Variants in ACBD6 observed in about 807,000 individuals in gnomAD.
ACBD6 encodes the protein acyl-CoA binding domain containing 6, also known as acyl-CoA-binding domain-containing protein 6.
Under a neutral mutation model 37.2 loss-of-function variants are expected in ACBD6, and 28 were observed. The observed-to-expected ratio is 0.75, with a 90% CI of 0.56 to 1.03. ACBD6 has a LOEUF of 1.03. Among genes scored for constraint, ACBD6 ranks in the 50% least tolerant of loss-of-function variants. The pLI, the probability that ACBD6 is intolerant of heterozygous loss-of-function variation, is 0.00. For missense variants in ACBD6, 340 were observed against 337.4 expected (o/e 1.01, Z -0.06); for synonymous variants, 113 against 126.8 (o/e 0.89, Z 0.73).
chr1:180,320,063 TGTTTGAGAAAC>T (rs1651000509), intron 6 of ACBD6, among the ~76,000 whole-genome samples: 1 of 152,206 alleles, frequency 6.6e-6, no homozygotes, highest in Admixed American at 6.5e-5. Context: ...TATTTTTAGT[TGTTTGAGAAAC>T]CTCCAAACGG....
intron 6 of ACBD6, among the ~76,000 whole-genome samples, chr1:180,396,873 G>T (rs899718977): frequency 2.6e-5 from 4 of 152,144 alleles, no homozygotes; most frequent in Non-Finnish European, 5.9e-5. Flanking sequence ...AGCTCCTATG[G>T]AAAACAGTTT....
intron 3 of ACBD6, among the ~76,000 whole-genome samples, chr1:180,471,695 AT>A (rs1437148202): frequency 6.6e-6 from 1 of 152,136 alleles, no homozygotes; most frequent in Non-Finnish European, 1.5e-5. Context: ...AGCCCCCATG[AT>A]TCAATTACCT....
At chr1:180,281,043 G>A (rs184043546) in intron 9 of ACBD6, among the ~76,000 whole-genome samples, 14 of 152,252 alleles carry the variant, frequency 9.2e-5, no homozygotes, top group Admixed American at 3.3e-4. Flanking sequence ...TCATTGGACC[G>A]CTTCCACTTT....
At chr1:180,350,949 T>C (rs1420229054) in intron 6 of ACBD6, among the ~76,000 whole-genome samples, 1 of 152,218 alleles carries the variant, frequency 6.6e-6, no homozygotes, top group East Asian at 1.9e-4. Context: ...TCTCCTAATG[T>C]CTTGTTGCAT....
chr1:180,310,316 C>T (rs537814539), intron 7 of ACBD6, among the ~76,000 whole-genome samples: 131 of 152,198 alleles, frequency 8.6e-4, no homozygotes, highest in African/African-American at 2.9e-3. Context: ...GCCATGATTG[C>T]GCCACTACAC....
At chr1:180,479,914 C>T (rs955642212) in intron 3 of ACBD6, among the ~76,000 whole-genome samples, 2 of 151,736 alleles carry the variant, frequency 1.3e-5, no homozygotes, top group Non-Finnish European at 2.9e-5. Flanking sequence ...GCTTGAGCCC[C>T]GAAGGCAGAG....
intron 3 of ACBD6, among the ~76,000 whole-genome samples, chr1:180,487,398 A>C (rs1651313650): frequency 6.6e-6 from 1 of 152,230 alleles, no homozygotes; most frequent in Non-Finnish European, 1.5e-5. Flanking sequence ...GAAATTTCAC[A>C]CCATCTCACG....
intron 6 of ACBD6, among the ~76,000 whole-genome samples, chr1:180,348,369 C>T (rs984829476): frequency 6.6e-6 from 1 of 152,028 alleles, no homozygotes; most frequent in African/African-American, 2.4e-5. Flanking sequence ...ACTTTTGGTC[C>T]AAAAAATGAA....
At chr1:180,483,492 C>T (rs925195683) in intron 3 of ACBD6, among the ~76,000 whole-genome samples, 1 of 152,122 alleles carries the variant, frequency 6.6e-6, no homozygotes. Flanking sequence ...GGTTGTTCTG[C>T]TGTGTTCAGT....
chr1:180,344,440 T>A (rs1416646516), intron 6 of ACBD6, among the ~76,000 whole-genome samples: 1 of 152,118 alleles, frequency 6.6e-6, no homozygotes, highest in Non-Finnish European at 1.5e-5. Flanking sequence ...AAGGAAGTAA[T>A]GAAGTATGGA....
chr1:180,416,758 C>G (rs1281405837), intron 4 of ACBD6, among the ~76,000 whole-genome samples: 1 of 152,146 alleles, frequency 6.6e-6, no homozygotes, highest in Non-Finnish European at 1.5e-5. Flanking sequence ...CTTTTTCACC[C>G]AATCACAGGA....
In ACBD6 at chr1:180,318,166, C is replaced by CCG. The variant is rs1553291910; in HGVS notation, c.664-3445_664-3444insCG. Among the ~76,000 whole-genome samples, 5 of 77,700 alleles carry CCG rather than the reference C, an allele frequency of 6.4e-5. 1 individual carries two copies. Among genetic ancestry groups the CCG allele is most frequent in the Admixed American group, 5.4e-4 (5 of 9,222 alleles). 51.0% of individuals were successfully genotyped at this position (77,700 alleles called of 152,430 possible). A position where few individuals can be genotyped will look rare whatever the true frequency, so the allele number is the denominator to read the frequency against. ...GACAGAGTAAGATTCCATCTCCGCC[C>CCG]CCCCCCCCCAAAAAAAAAAGAAAGA... On this transcript the variant is annotated intron_variant, in intron 6 of 7. Coordinates refer to ENST00000367595, the MANE Select transcript of ACBD6 (RefSeq NM_032360.4).
At chr1:180,284,226 C>T (rs562584787), downstream of ACBD6, among the ~76,000 whole-genome samples, 11 of 152,266 alleles carry the variant, frequency 7.2e-5, no homozygotes, top group South Asian at 2.1e-3. Flanking sequence ...CTGATAATCA[C>T]TATACTTTAA....
At chr1:180,291,651 TCTC>T (rs1197365520) in intron 7 of ACBD6, among the ~76,000 whole-genome samples, 1 of 152,164 alleles carries the variant, frequency 6.6e-6, no homozygotes, top group Admixed American at 6.5e-5. Flanking sequence ...GTATATGACT[TCTC>T]ATTTTTTTTA....
At chr1:180,352,180 T>G (rs1467078212) in intron 6 of ACBD6, among the ~76,000 whole-genome samples, 1 of 152,104 alleles carries the variant, frequency 6.6e-6, no homozygotes, top group Non-Finnish European at 1.5e-5. Context: ...GCACAGACTT[T>G]CAGTTTGGGA....
chr1:180,273,872 G>A (rs890876182), intron 11 of ACBD6: 7 of 397,064 alleles, frequency 1.8e-5, no homozygotes, highest in Non-Finnish European at 2.8e-5. Context: ...CCAGCCTTAG[G>A]CATTCATCCT....
chr1:180,413,008 A>G (rs1157542411), intron 5 of ACBD6, among the ~76,000 whole-genome samples: 1 of 152,228 alleles, frequency 6.6e-6, no homozygotes, highest in Non-Finnish European at 1.5e-5. Flanking sequence ...AGAACAATAT[A>G]CCTAGCTGTT....
intron 7 of ACBD6, among the ~76,000 whole-genome samples, chr1:180,300,025 G>C (rs1392687337): frequency 6.6e-6 from 1 of 152,132 alleles, no homozygotes; most frequent in African/African-American, 2.4e-5. Flanking sequence ...CCTGCGATTG[G>C]CTCTGACCTA....
intron 6 of ACBD6, among the ~76,000 whole-genome samples, chr1:180,338,801 C>G (rs1651850124): frequency 6.6e-6 from 1 of 152,118 alleles, no homozygotes; most frequent in Non-Finnish European, 1.5e-5. Context: ...GGTTAATATC[C>G]AGAATCTACA....
Sources: gnomAD v4.1 joint callset for allele counts (sites outside exome capture counted in the v4.1 genomes callset) on GRCh38, gnomAD v4.1.1 for gene constraint, MANE v1.5 for transcripts, NCBI Gene and HGNC (gene_info 2026-07-23, HGNC 2026-07-21) for gene names.